CLN6: variants seen among roughly 807,000 people sequenced by gnomAD.
CLN6 encodes the protein CLN6 transmembrane ER protein, also known as ceroid-lipofuscinosis neuronal protein 6.
In CLN6, 22 loss-of-function variants were observed where a neutral mutation model predicts 33.3. That is an observed-to-expected ratio of 0.66 (90% confidence interval 0.47 to 0.94). The LOEUF (loss-of-function observed/expected upper bound fraction) is 0.94, where lower values mean the gene tolerates loss of function less well. Ranked by LOEUF, CLN6 falls within the 40% of genes least tolerant of loss-of-function variation. The pLI is 0.00. For synonymous variants in CLN6, 201 were observed against 174.6 expected (o/e 1.15, Z -1.19); for missense variants, 387 against 417.1 (o/e 0.93, Z 0.63).
upstream of CLN6, chr15:68,229,772 AGCGGAGGGAGGCGGG>A: frequency 7.4e-6 from 2 of 268,658 alleles, no homozygotes; most frequent in Non-Finnish European, 1.4e-5. Context: ...AGCGGAGCGG[AGCGGAGGGAGGCGGG>A]GCGGAGGGAG....
At chr15:68,238,493 A>G (rs1190680546) in intron 1 of CLN6, among the ~76,000 whole-genome samples, 1 of 152,218 alleles carries the variant, frequency 6.6e-6, no homozygotes, top group Admixed American at 6.5e-5. Context: ...AAGTAGCCAG[A>G]GAGAAAAGAA....
At position 68,220,621 on chromosome 15, in the gene CLN6, G is replaced by T. The variant is rs538212786; in HGVS notation, c.84-1971C>A. Among the ~76,000 whole-genome samples the T allele has an allele frequency of 6.6e-6, 1 of 152,346 alleles. No individual in the cohort carries two copies. Among genetic ancestry groups the T allele is most frequent in the East Asian group, 1.9e-4 (1 of 5,186 alleles). ...AAGAATGAAGTAGCCTCGCAGAGAG[G>T]ATCAGGGAAAGGGGGAGAAAAAGTG... On this transcript the variant is annotated intron_variant, in intron 1 of 6. Transcript: ENST00000249806. This position sits in a 1 kb window ranked among gnomAD's most constrained non-coding sequence, Gnocchi z 4.2.
At chr15:68,229,442 G>A in intron 1 of CLN6, 60 bp downstream of exon 1, 3 of 1,300,922 alleles carry the variant, frequency 2.3e-6, no homozygotes, top group Non-Finnish European at 3.1e-6. Flanking sequence ...TCACGTGGCG[G>A]GTCCCGAGGC....
intron 1 of CLN6, among the ~76,000 whole-genome samples, chr15:68,226,166 AAAATTAGCTGGGCG>A (rs1261092014): frequency 6.6e-6 from 1 of 151,550 alleles, no homozygotes; most frequent in Non-Finnish European, 1.5e-5. Flanking sequence ...AAAAATACAA[AAAATTAGCTGGGCG>A]TGGTGCCGAG....
chr15:68,208,094 G>GCGC lies in CLN6; in HGVS notation c.*45_*46insGCG. The GCGC allele has an allele frequency of 1.5e-6, 2 of 1,375,276 alleles. No individual in the cohort carries two copies. Among genetic ancestry groups the GCGC allele is most frequent in the African/African-American group, 1.4e-5 (1 of 69,478 alleles). The allele number at this position is 1,375,276 out of a possible 1,614,324, so 85.2% of individuals were successfully genotyped here. ...CTCCTGTATTCAGATGCCCTCCATG[G>GCGC]CCCACCCTCCCACCCAGCAGAGCGC... On this transcript the variant is annotated 3_prime_UTR_variant, in exon 7 of 7. Transcript: ENST00000249806. This position sits in a 1 kb window ranked among gnomAD's most constrained non-coding sequence, Gnocchi z 5.8.
Position 68,209,812 on chromosome 15 carries a change from A to G in CLN6, c.543-53T>C, listed in dbSNP as rs1398359486. The G allele has an allele frequency of 3.9e-5, 63 of 1,607,466 alleles. No individual in the cohort carries two copies. The East Asian group carries it at 1.3e-3, about 34-fold the overall frequency. On this transcript the variant is annotated intron_variant, in intron 5 of 6. Transcript: ENST00000249806. This position sits in a 1 kb window ranked among gnomAD's most constrained non-coding sequence, Gnocchi z 4.9. ...GGCCTGCTCAGCGGCCCTCTTCCCC[A>G]CAACCTCTGCAACCACTCCCATGGG...
At position 68,211,137 on chromosome 15, in the gene CLN6, A is replaced by G; in HGVS notation, c.542+126T>C. ...GAGGTTGAGCTCACAGTGCCTTTAC[A>G]GGGGATGAGACTCAACACATGGAGA... is the stretch of plus-strand genomic sequence containing the variant. On this transcript the variant is annotated intron_variant, in intron 5 of 6. Transcript: ENST00000249806. The surrounding 1 kb of genome is among the most constrained non-coding windows in gnomAD (Gnocchi z 5.9). 10 of 848,156 alleles carry G rather than the reference A, an allele frequency of 1.2e-5. No individual in the cohort carries two copies. The highest frequency in any genetic ancestry group is 1.1e-4 in the South Asian group (8 of 75,056). 52.5% of individuals were successfully genotyped at this position (848,156 alleles called of 1,614,324 possible). A position where few individuals can be genotyped will look rare whatever the true frequency, so the allele number is the denominator to read the frequency against.
chr15:68,252,892 A>G (rs2141167298), intron 1 of CLN6, among the ~76,000 whole-genome samples: 1 of 152,322 alleles, frequency 6.6e-6, no homozygotes, highest in Non-Finnish European at 1.5e-5. Context: ...AATCAAGAAT[A>G]TAGTCAATCT....
At chr15:68,232,472 T>C (rs1175514772), upstream of CLN6, among the ~76,000 whole-genome samples, 1 of 152,162 alleles carries the variant, frequency 6.6e-6, no homozygotes, top group Non-Finnish European at 1.5e-5. The surrounding 1 kb of genome is among the most constrained non-coding windows in gnomAD (Gnocchi z 4.7). Context: ...CAGATACTTT[T>C]AAATGTATCG....
chr15:68,222,686 A>T (rs2093241272), intron 1 of CLN6, among the ~76,000 whole-genome samples: 1 of 152,244 alleles, frequency 6.6e-6, no homozygotes, highest in Non-Finnish European at 1.5e-5. Context: ...CAAAAAGAAA[A>T]GGGGGAAATG....
rs974459924 is a variant in CLN6, at chr15:68,247,536, C to A, written c.179+9154G>T. Among the ~76,000 whole-genome samples, 5 of 152,062 alleles carry A rather than the reference C, an allele frequency of 3.3e-5. No individual in the cohort carries two copies. Among genetic ancestry groups the A allele is most frequent in the African/African-American group, 9.7e-5 (4 of 41,354 alleles). The stretch of plus-strand genomic sequence containing the variant: ...AAGAAATAAATTGAAGAGGACACAG[C>A]AAAATGGAAAGCTATTCCATGTTCA... On this transcript the variant is annotated intron_variant, in intron 1 of 6. Transcript: ENST00000538696. This position sits in a 1 kb window ranked among gnomAD's most constrained non-coding sequence, Gnocchi z 4.2.
At chr15:68,249,489 G>A (rs551507490) in intron 1 of CLN6, among the ~76,000 whole-genome samples, 1 of 152,324 alleles carries the variant, frequency 6.6e-6, no homozygotes, top group South Asian at 2.1e-4. Flanking sequence ...ATACTGTTCA[G>A]CCATGAAAAA....
intron 1 of CLN6, among the ~76,000 whole-genome samples, chr15:68,238,143 C>T (rs566168668): frequency 6.7e-5 from 10 of 150,086 alleles, no homozygotes; most frequent in Non-Finnish European, 1.0e-4. Flanking sequence ...AAGTGGGTCA[C>T]GCCTGTAATC....
chr15:68,213,870 C>A, intron 3 of CLN6: 1 of 229,214 alleles, frequency 4.4e-6, no homozygotes, highest in South Asian at 6.2e-5. Context: ...TGGAGTTCAG[C>A]TGCTGCTGCT....
chr15:68,233,149 CTCTG>C (rs1382942119), upstream of CLN6, among the ~76,000 whole-genome samples: 1 of 152,176 alleles, frequency 6.6e-6, no homozygotes, highest in East Asian at 1.9e-4. This position sits in a 1 kb window ranked among gnomAD's most constrained non-coding sequence, Gnocchi z 4.3. Context: ...CTCCCTTCTC[CTCTG>C]TCTCACTCCC....
intron 2 of CLN6, among the ~76,000 whole-genome samples, chr15:68,217,233 T>G (rs1483772820): frequency 4.6e-5 from 7 of 152,204 alleles, no homozygotes; most frequent in Admixed American, 2.6e-4. Context: ...CTTTGCTTTT[T>G]GTTTGTTTTG....
chr15:68,251,783 T>A (rs1892381467), intron 1 of CLN6, among the ~76,000 whole-genome samples: 1 of 152,122 alleles, frequency 6.6e-6, no homozygotes, highest in Non-Finnish European at 1.5e-5. Context: ...TATTTGTAGG[T>A]AATATAATTG....
At chr15:68,240,151 G>GA in intron 1 of CLN6, among the ~76,000 whole-genome samples, 2 of 151,482 alleles carry the variant, frequency 1.3e-5, no homozygotes, top group Admixed American at 1.3e-4. Flanking sequence ...CATTAGAAAA[G>GA]AAAAAAGACT....
upstream of CLN6, among the ~76,000 whole-genome samples, chr15:68,230,449 C>T (rs1005000517): frequency 1.3e-5 from 2 of 152,016 alleles, no homozygotes; most frequent in African/African-American, 4.8e-5. The surrounding 1 kb of genome is among the most constrained non-coding windows in gnomAD (Gnocchi z 4.0). Flanking sequence ...CGTGAGTCAC[C>T]GGAGCATACA....
Sources: allele counts gnomAD v4.1 joint callset (sites outside exome capture counted in the v4.1 genomes callset), GRCh38; gene constraint gnomAD v4.1.1; non-coding constraint Gnocchi (gnomAD v3.1); transcripts MANE v1.5; gene names NCBI Gene and HGNC (gene_info 2026-07-23, HGNC 2026-07-21).